PTPRT: variants seen among roughly 807,000 people sequenced by gnomAD.
The protein encoded by PTPRT is protein tyrosine phosphatase receptor type T.
Under a neutral mutation model 176.8 loss-of-function variants are expected in PTPRT, and 56 were observed. The ratio of observed to expected loss-of-function variants is 0.32; its 90% CI spans 0.26 to 0.40. PTPRT has a LOEUF of 0.40. Among genes scored for constraint, PTPRT ranks in the 10% least tolerant of loss-of-function variants. The pLI is 1.00. For missense variants in PTPRT, 1,540 were observed against 1,908.2 expected, an observed-to-expected ratio of 0.81 and a Z score of 3.60; for synonymous variants, 783 against 739.0, an observed-to-expected ratio of 1.06 and a Z score of -0.96.
At chr20:42,663,348 T>C (rs924098800) in intron 7 of PTPRT, among the ~76,000 whole-genome samples, 3 of 152,196 alleles carry the variant, frequency 2.0e-5, no homozygotes, top group Admixed American at 2.0e-4. Context: ...ACTTTTAAAG[T>C]CTGAGAAAGG....
intron 3 of PTPRT, among the ~76,000 whole-genome samples, chr20:42,785,449 A>G (rs1267305827): frequency 6.6e-6 from 1 of 152,106 alleles, no homozygotes; most frequent in African/African-American, 2.4e-5. Context: ...TTTAAAACCC[A>G]TTTTGCTAGT....
At chr20:42,921,114 A>G (rs1187701963) in intron 1 of PTPRT, among the ~76,000 whole-genome samples, 1 of 152,172 alleles carries the variant, frequency 6.6e-6, no homozygotes, top group Non-Finnish European at 1.5e-5. Flanking sequence ...AGTGATTCCG[A>G]TAATTATAAG....
At chr20:42,473,128 C>A (rs1197766263) in intron 7 of PTPRT, among the ~76,000 whole-genome samples, 1 of 152,126 alleles carries the variant, frequency 6.6e-6, no homozygotes, top group Non-Finnish European at 1.5e-5. Flanking sequence ...GATTTCCTCT[C>A]CTTTCCTTGA....
At chr20:42,579,306 C>A (rs2145718554) in intron 7 of PTPRT, among the ~76,000 whole-genome samples, 1 of 152,188 alleles carries the variant, frequency 6.6e-6, no homozygotes, top group Admixed American at 6.5e-5. Flanking sequence ...TCCAGTCTAT[C>A]ATTGTTGGAC....
At chr20:42,250,217 C>T (rs113408393) in intron 13 of PTPRT, among the ~76,000 whole-genome samples, 2,724 of 152,300 alleles carry the variant, frequency 0.018, 82 homozygotes, top group African/African-American at 0.062. Flanking sequence ...GGCAAGATTA[C>T]GCCTCGTTTA....
intron 15 of PTPRT, among the ~76,000 whole-genome samples, chr20:42,220,778 G>A (rs1429746846): frequency 6.6e-6 from 1 of 152,074 alleles, no homozygotes; most frequent in African/African-American, 2.4e-5. Context: ...AAAACGTTAA[G>A]AGACAAAAAT....
Position 42,665,253 on chromosome 20 carries a change from G to A in PTPRT, c.1153+12613C>T, listed in dbSNP as rs1031730943. Among the ~76,000 whole-genome samples, 15 of 152,016 alleles carry A rather than the reference G, an allele frequency of 9.9e-5. 1 individual carries two copies. The highest frequency in any genetic ancestry group is 3.6e-4 in the African/African-American group (15 of 41,482). ...ACAATGAACTCAAACAAATTTACAA[G>A]AAAAAAACAACCCCATCAAAAGTGG... On this transcript the variant is annotated intron_variant, in intron 7 of 30. Coordinates refer to ENST00000373187, the MANE Select transcript of PTPRT (RefSeq NM_007050.6).
At chr20:42,312,631 C>T (rs2145360681) in intron 12 of PTPRT, among the ~76,000 whole-genome samples, 1 of 152,266 alleles carries the variant, frequency 6.6e-6, no homozygotes, top group African/African-American at 2.4e-5. Flanking sequence ...GTGGCATAAG[C>T]ACTCATCCAA....
intron 7 of PTPRT, among the ~76,000 whole-genome samples, chr20:42,534,987 G>A (rs144538877): frequency 4.2e-4 from 64 of 152,272 alleles, no homozygotes; most frequent in Admixed American, 1.0e-3. Flanking sequence ...CACTCGCCAC[G>A]GAAAGTGAGC....
At chr20:42,352,465 C>T (rs977169594) in intron 9 of PTPRT, among the ~76,000 whole-genome samples, 180 bp from the exon 10 acceptor site, 1 of 152,142 alleles carries the variant, frequency 6.6e-6, no homozygotes, top group Admixed American at 6.5e-5. Context: ...CCTCCAAATA[C>T]CCCATTGCTC....
At position 42,527,153 on chromosome 20, in the gene PTPRT, C is replaced by G. The variant is rs192846865; in HGVS notation, c.1154-54591G>C. On this transcript the variant is annotated intron_variant, in intron 7 of 30. Coordinates refer to ENST00000373187, the MANE Select transcript of PTPRT (RefSeq NM_007050.6). Reference sequence around the variant, plus strand: ...TAATTTTTTGTATTTTTAGTAGAGACGGGGTTTCACCGTGTTAGCCAGGAT... The same window carrying G: ...TAATTTTTTGTATTTTTAGTAGAGAGGGGGTTTCACCGTGTTAGCCAGGAT... Among the ~76,000 whole-genome samples, 546 of 151,756 alleles carry G rather than the reference C, an allele frequency of 3.6e-3. 6 individuals carry two copies. Among genetic ancestry groups the G allele is most frequent in the African/African-American group, 0.013 (519 of 41,402 alleles).
chr20:42,450,472 T>A (rs573179980), intron 8 of PTPRT, among the ~76,000 whole-genome samples: 1 of 152,198 alleles, frequency 6.6e-6, no homozygotes, highest in African/African-American at 2.4e-5. Context: ...TAATTAGCCA[T>A]TCACATTGCT....
intron 1 of PTPRT, chr20:43,063,270 C>T (rs1330176939): frequency 1.3e-5 from 2 of 152,204 alleles, no homozygotes; most frequent in African/African-American, 4.8e-5. Flanking sequence ...CTCCAACCAT[C>T]CTTCATTTGG....
chr20:42,312,058 T>C (rs1053491904), intron 12 of PTPRT, among the ~76,000 whole-genome samples: 2 of 152,238 alleles, frequency 1.3e-5, no homozygotes, highest in Admixed American at 1.3e-4. Flanking sequence ...TTGCCTTAAG[T>C]AGTTACATTT....
chr20:42,504,723 AGTTT>A (rs1280951983), intron 7 of PTPRT, among the ~76,000 whole-genome samples: 1 of 152,156 alleles, frequency 6.6e-6, no homozygotes, highest in African/African-American at 2.4e-5. Context: ...TAGGGAGTTT[AGTTT>A]AAGTACATTT....
chr20:42,986,367 C>T (rs1393921211), intron 1 of PTPRT, among the ~76,000 whole-genome samples: 1 of 152,208 alleles, frequency 6.6e-6, no homozygotes, highest in Non-Finnish European at 1.5e-5. Context: ...CTGCAGCCTC[C>T]ACCTGTCCAT....
intron 7 of PTPRT, among the ~76,000 whole-genome samples, chr20:42,594,039 G>A (rs557679820): frequency 3.9e-5 from 6 of 152,248 alleles, no homozygotes; most frequent in East Asian, 1.9e-4. Flanking sequence ...AGAGAGTACC[G>A]GAGGAGAAGG....
intron 6 of PTPRT, among the ~76,000 whole-genome samples, chr20:42,746,485 T>C: frequency 6.6e-6 from 1 of 152,106 alleles, no homozygotes. Flanking sequence ...GACCCAAATC[T>C]AGGGGAGCCG....
chr20:42,094,434 C>CT (rs747205381), intron 27 of PTPRT, among the ~76,000 whole-genome samples: 3 of 152,090 alleles, frequency 2.0e-5, no homozygotes, highest in South Asian at 4.1e-4. Flanking sequence ...ATTCCTCTTT[C>CT]TTTTTTTGAC....
Sources: allele counts gnomAD v4.1 joint callset (sites outside exome capture counted in the v4.1 genomes callset), GRCh38; gene constraint gnomAD v4.1.1; transcripts MANE v1.5; gene names NCBI Gene and HGNC (gene_info 2026-07-23, HGNC 2026-07-21).